The following EGFLAM variants were observed in gnomAD, a reference collection of about 807,000 sequenced individuals.
The protein encoded by EGFLAM is pikachurin.
In EGFLAM, 79 loss-of-function variants were observed where a neutral mutation model predicts 113.1. The ratio of observed to expected loss-of-function variants is 0.70; its 90% confidence interval spans 0.58 to 0.84. The LOEUF (loss-of-function observed/expected upper bound fraction) is 0.84, where lower values mean the gene tolerates loss of function less well. Among genes scored for constraint, EGFLAM ranks in the 40% least tolerant of loss-of-function variants. EGFLAM has a pLI of 0.00. For missense variants in EGFLAM, 1,265 were observed against 1,291.6 expected, an observed-to-expected ratio of 0.98 and a Z score of 0.32; for synonymous variants, 504 against 487.6, an observed-to-expected ratio of 1.03 and a Z score of -0.44.
intron 1 of EGFLAM, among the ~76,000 whole-genome samples, chr5:38,285,047 G>C (rs2886890): frequency 0.46 from 69,288 of 151,944 alleles, 17,825 homozygotes; most frequent in African/African-American, 0.7. Context: ...CTCTCTTGTC[G>C]AGTCCAATTT....
At chr5:38,458,165 A>G (rs1449331514) in intron 19 of EGFLAM, 146 bp from the exon 20 acceptor site, 5 of 630,402 alleles carry the variant, frequency 7.9e-6, no homozygotes, top group African/African-American at 1.8e-5. Context: ...AAACCCAACA[A>G]CTTTTATAAC....
intron 1 of EGFLAM, among the ~76,000 whole-genome samples, chr5:38,273,417 T>C (rs1160223755): frequency 6.6e-6 from 1 of 152,226 alleles, no homozygotes; most frequent in East Asian, 1.9e-4. Context: ...GGCTTTGGAC[T>C]CCACATAATC....
intron 1 of EGFLAM, among the ~76,000 whole-genome samples, chr5:38,274,605 G>T (rs919971783): frequency 6.6e-6 from 1 of 152,134 alleles, no homozygotes; most frequent in Non-Finnish European, 1.5e-5. Context: ...ACCCAGAAAA[G>T]CTGTCCTTCA....
chr5:38,422,680 A>G (rs543939394), intron 12 of EGFLAM, among the ~76,000 whole-genome samples: 68 of 152,352 alleles, frequency 4.5e-4, no homozygotes, highest in African/African-American at 1.6e-3. Context: ...AATAACTCCC[A>G]TGACTTCAAA....
intron 17 of EGFLAM, 63 bp from the exon 18 acceptor site, chr5:38,448,234 ATGTG>A: frequency 6.6e-7 from 1 of 1,517,242 alleles, no homozygotes. Context: ...TTTTCCTGCC[ATGTG>A]TGTGAGTGCA....
chr5:38,361,529 G>T (rs1361190932), intron 5 of EGFLAM, among the ~76,000 whole-genome samples: 1 of 152,124 alleles, frequency 6.6e-6, no homozygotes, highest in African/African-American at 2.4e-5. Context: ...TAGAGCAGGG[G>T]TGTCCAATTT....
intron 17 of EGFLAM, among the ~76,000 whole-genome samples, chr5:38,443,761 C>T (rs1742621641): frequency 1.3e-5 from 2 of 149,134 alleles, no homozygotes; most frequent in African/African-American, 5.1e-5. Flanking sequence ...ACCGTGGTCC[C>T]TTCAACTCTT....
intron 1 of EGFLAM, among the ~76,000 whole-genome samples, chr5:38,271,697 A>T (rs1416082731): frequency 6.6e-6 from 1 of 152,112 alleles, no homozygotes; most frequent in African/African-American, 2.4e-5. Flanking sequence ...GTCTTCGTGT[A>T]CTCTTCCAGC....
intron 12 of EGFLAM, among the ~76,000 whole-genome samples, chr5:38,419,287 C>T (rs1201917029): frequency 6.6e-6 from 1 of 152,192 alleles, no homozygotes; most frequent in Non-Finnish European, 1.5e-5. Context: ...CTGTTCAGTT[C>T]ATAACAGGGT....
chr5:38,382,275 A>G (rs1205586215), intron 6 of EGFLAM, among the ~76,000 whole-genome samples: 1 of 152,210 alleles, frequency 6.6e-6, no homozygotes, highest in Non-Finnish European at 1.5e-5. Flanking sequence ...TTTTCTGTAC[A>G]ACAAAATACT....
Position 38,464,846 on chromosome 5 carries a change from C to G in EGFLAM, c.*860C>G, listed in dbSNP as rs1743416048. ...TAACTTGGGTGGGCAACTTGGGGAGCTGACCATTCTCTTTTGGTAAATGTT... is the reference window on the plus strand; with the variant it reads ...TAACTTGGGTGGGCAACTTGGGGAGGTGACCATTCTCTTTTGGTAAATGTT... On this transcript the variant is annotated 3_prime_UTR_variant, in exon 22 of 22. Transcript: ENST00000322350. 1 of 152,162 alleles carries G rather than the reference C, an allele frequency of 6.6e-6. No homozygotes were observed. The highest frequency in any genetic ancestry group is 2.4e-5 in the African/African-American group (1 of 41,430). 9.4% of individuals were successfully genotyped at this position (152,162 alleles called of 1,614,324 possible).
chr5:38,303,335 C>T (rs1758640568), intron 1 of EGFLAM, among the ~76,000 whole-genome samples: 1 of 152,174 alleles, frequency 6.6e-6, no homozygotes, highest in Admixed American at 6.5e-5. Flanking sequence ...ATGGTAATTA[C>T]AAGAACACCT....
chr5:38,404,140 C>T (rs1036021500), intron 6 of EGFLAM, among the ~76,000 whole-genome samples: 5 of 152,180 alleles, frequency 3.3e-5, no homozygotes, highest in African/African-American at 1.2e-4. Context: ...AGCACGCCCC[C>T]TGACAAAAAT....
Position 38,332,745 on chromosome 5 carries a change from T to A in EGFLAM, c.98-4775T>A, listed in dbSNP as rs551643612. Among the ~76,000 whole-genome samples the A allele has an allele frequency of 1.4e-4, 21 of 152,366 alleles. 1 individual carries two copies. The highest frequency in any genetic ancestry group is 4.1e-4 in the South Asian group (2 of 4,830). ...GGGCTAGTTATCTGCAGCAGGAGCA[T>A]GTCCTTAAGACACAGATCACTCATG... is the stretch of plus-strand genomic sequence containing the variant. On this transcript the variant is annotated intron_variant, in intron 1 of 21. Coordinates refer to ENST00000322350, the MANE Select transcript of EGFLAM (RefSeq NM_152403.4).
At chr5:38,415,636 T>G in intron 11 of EGFLAM, among the ~76,000 whole-genome samples, 1 of 152,164 alleles carries the variant, frequency 6.6e-6, no homozygotes, top group East Asian at 1.9e-4. Flanking sequence ...TTTGAGCCTA[T>G]GAATAGCCCT....
chr5:38,447,191 T>C (rs962269356), intron 17 of EGFLAM, among the ~76,000 whole-genome samples: 15 of 152,172 alleles, frequency 9.9e-5, no homozygotes, highest in Admixed American at 6.5e-5. Flanking sequence ...TTGCTAACTA[T>C]GTGTAAAAGG....
At chr5:38,295,465 G>T (rs1388494240) in intron 1 of EGFLAM, among the ~76,000 whole-genome samples, 5 of 152,142 alleles carry the variant, frequency 3.3e-5, no homozygotes, top group Non-Finnish European at 7.3e-5. Flanking sequence ...TTGAAAAACT[G>T]CTGAACAGGG....
At chr5:38,350,720 T>C in intron 4 of EGFLAM, 102 bp downstream of exon 4, 1 of 1,113,708 alleles carries the variant, frequency 9.0e-7, no homozygotes, top group East Asian at 2.5e-5. Flanking sequence ...AGCACTGTGC[T>C]AGGCTCTGGG....
chr5:38,424,558 G>T (rs1007054737), intron 12 of EGFLAM, among the ~76,000 whole-genome samples: 5 of 152,094 alleles, frequency 3.3e-5, no homozygotes, highest in African/African-American at 1.2e-4. Context: ...AGCTAATTGG[G>T]GTCATGCAAT....
Sources: allele counts gnomAD v4.1 joint callset (sites outside exome capture counted in the v4.1 genomes callset), GRCh38; gene constraint gnomAD v4.1.1; transcripts MANE v1.5; gene names NCBI Gene and HGNC (gene_info 2026-07-23, HGNC 2026-07-21).